The following TEX11 variants were observed in gnomAD, a reference collection of about 807,000 sequenced individuals.
The protein encoded by TEX11 is testis expressed 11.
In TEX11, 7 loss-of-function variants were observed where a neutral mutation model predicts 84.4. The observed-to-expected ratio is 0.08, with a 90% CI of 0.05 to 0.16. The LOEUF is 0.16. TEX11 is among the 10% of genes least tolerant of loss of function. TEX11 has a pLI of 1.00. For missense variants in TEX11, 551 were observed against 660.5 expected (o/e 0.83, Z 1.82); for synonymous variants, 264 against 222.8 (o/e 1.18, Z -1.64).
chrX:70,513,516 G>A, the TEX11 span, among the ~76,000 whole-genome samples: 26 of 105,854 alleles, frequency 2.5e-4, 1 homozygote, highest in African/African-American at 9.1e-4. Flanking sequence ...TTTGACATGG[G>A]ATTGTCCTAT....
chrX:70,547,390 A>C (rs2088144218), intron 28 of TEX11, among the ~76,000 whole-genome samples: 1 of 111,421 alleles, frequency 9.0e-6, no homozygotes, highest in Non-Finnish European at 1.9e-5. Context: ...TATCTACACA[A>C]AAATTAAGAA....
At chrX:70,731,479 C>A (rs1347064458) in intron 11 of TEX11, among the ~76,000 whole-genome samples, 1 of 111,326 alleles carries the variant, frequency 9.0e-6, no homozygotes, top group African/African-American at 3.3e-5. Context: ...GATATCACCA[C>A]TGATCCCACA....
At chrX:70,708,191 G>GA (rs767373831) in intron 13 of TEX11, among the ~76,000 whole-genome samples, 4 of 111,199 alleles carry the variant, frequency 3.6e-5, no homozygotes, top group South Asian at 3.8e-4. Flanking sequence ...ACAAACATGT[G>GA]AAAAAATGCT....
At chrX:70,599,189 G>T (rs981153555) in intron 24 of TEX11, among the ~76,000 whole-genome samples, 13 of 111,111 alleles carry the variant, frequency 1.2e-4, no homozygotes, top group African/African-American at 3.9e-4. Flanking sequence ...AGAAAATAAA[G>T]AAATAAATAA....
At chrX:70,729,747 C>G (rs1331687460) in intron 11 of TEX11, among the ~76,000 whole-genome samples, 1 of 111,642 alleles carries the variant, frequency 9.0e-6, no homozygotes, top group Admixed American at 9.5e-5. Context: ...AGGATACTAT[C>G]CAGGAGAACT....
At chrX:70,668,108 C>T (rs763140224) in intron 16 of TEX11, among the ~76,000 whole-genome samples, 3 of 110,843 alleles carry the variant, frequency 2.7e-5, no homozygotes, top group East Asian at 2.8e-4. Flanking sequence ...GCAAATCACA[C>T]GATAAGATCT....
At chrX:70,844,101 C>G (rs1338686282) in intron 7 of TEX11, among the ~76,000 whole-genome samples, 11 of 109,950 alleles carry the variant, frequency 1.0e-4, no homozygotes, top group African/African-American at 3.7e-4. Flanking sequence ...CCCAGCCATC[C>G]CATTACTGGG....
chrX:70,880,021 G>A lies in TEX11; in HGVS notation c.126C>T (p.Asn42=). 8.4e-7 allele frequency: 1 copy of A among 1,190,907 alleles called. No homozygotes were observed. The highest frequency in any genetic ancestry group is 1.7e-5 in the African/African-American group (1 of 57,379). The part of the protein sequence containing the change: ...DRLFSDIANI[N]RESMAEITDI... Reference sequence around the variant, plus strand: ...CTGTTATTTCAGCCATAGACTCCCTGTTGATATTTGCTATGTCGCTGAAGA... The same window carrying A: ...CTGTTATTTCAGCCATAGACTCCCTATTGATATTTGCTATGTCGCTGAAGA... The change falls in exon 3 of 30, where the codon AAC becomes AAT. Residue 42 remains asparagine, a synonymous_variant. Coordinates refer to ENST00000374333, the MANE Select transcript of TEX11 (RefSeq NM_031276.3).
rs765004401 is a variant in TEX11, at chrX:70,698,526, C to CA, written c.1005-15702dup. Among the ~76,000 whole-genome samples, 460 of 87,428 alleles carry CA rather than the reference C, an allele frequency of 5.3e-3. 4 individuals carry two copies. Among genetic ancestry groups the CA allele is most frequent in the South Asian group, 0.017 (33 of 1,939 alleles). The allele number at this position is 87,428 out of a possible 115,157, so 75.9% of individuals were successfully genotyped here. ...GAAGAAATAGATAGGTTCCCCCCAGCAAAAAAAAAAAACACCCTAGGAAAC... is the reference window on the plus strand; with the variant it reads ...GAAGAAATAGATAGGTTCCCCCCAGCAAAAAAAAAAAAACACCCTAGGAAAC... On this transcript the variant is annotated intron_variant, in intron 13 of 29. Coordinates refer to ENST00000374333, the MANE Select transcript of TEX11 (RefSeq NM_031276.3).
At chrX:70,541,527 A>G (rs148290858) in intron 28 of TEX11, among the ~76,000 whole-genome samples, 2 of 111,895 alleles carry the variant, frequency 1.8e-5, no homozygotes, top group African/African-American at 6.5e-5. Context: ...GGCCAAGGCG[A>G]GCAGATCACT....
intron 2 of TEX11, among the ~76,000 whole-genome samples, chrX:70,883,381 C>T (rs892520438): frequency 9.0e-6 from 1 of 111,043 alleles, no homozygotes; most frequent in African/African-American, 3.3e-5. Context: ...CCCAGGAGTT[C>T]GAGACTACCC....
At chrX:70,808,377 C>T (rs989770885) in intron 8 of TEX11, among the ~76,000 whole-genome samples, 1 of 107,358 alleles carries the variant, frequency 9.3e-6, no homozygotes, top group Admixed American at 1.0e-4. Context: ...GTGGTGGGCA[C>T]CTGTAATCCC....
chrX:70,693,965 A>G (rs778458046), intron 13 of TEX11, among the ~76,000 whole-genome samples: 1 of 112,304 alleles, frequency 8.9e-6, no homozygotes, highest in South Asian at 3.7e-4. Flanking sequence ...GTTTTCCTGT[A>G]TAACAAACCT....
chrX:70,558,299 G>C (rs2088316270), intron 25 of TEX11, among the ~76,000 whole-genome samples: 1 of 111,260 alleles, frequency 9.0e-6, no homozygotes, highest in Non-Finnish European at 1.9e-5. Flanking sequence ...TTCCAAAAGG[G>C]GCAAAGACCA....
At chrX:70,882,050 A>G (rs2091686315) in intron 2 of TEX11, among the ~76,000 whole-genome samples, 1 of 107,052 alleles carries the variant, frequency 9.3e-6, no homozygotes, top group African/African-American at 3.4e-5. Context: ...AAAAAGAAAA[A>G]GAAAAAAGAA....
chrX:70,606,924 G>C, intron 23 of TEX11, 35 bp downstream of exon 23: 1 of 965,017 alleles, frequency 1.0e-6, no homozygotes, highest in Non-Finnish European at 1.4e-6. Context: ...CCTTGTTGTG[G>C]TCCATACATG....
At chrX:70,642,303 G>C (rs2089671688) in intron 17 of TEX11, among the ~76,000 whole-genome samples, 1 of 111,411 alleles carries the variant, frequency 9.0e-6, no homozygotes, top group South Asian at 3.8e-4. Context: ...AAAGAATCCA[G>C]GACCAGATGG....
At chrX:70,753,080 G>T (rs1458275745) in intron 9 of TEX11, among the ~76,000 whole-genome samples, 1 of 109,389 alleles carries the variant, frequency 9.1e-6, no homozygotes, top group Admixed American at 9.8e-5. Context: ...CCCCGCCACC[G>T]TGGGCTAAAG....
chrX:70,655,493 C>T (rs1237042728), intron 16 of TEX11, among the ~76,000 whole-genome samples: 2 of 111,871 alleles, frequency 1.8e-5, no homozygotes, highest in African/African-American at 3.2e-5. Context: ...GCATTAACTG[C>T]ATTTTCACCT....
Sources: allele counts gnomAD v4.1 joint callset (sites outside exome capture counted in the v4.1 genomes callset), GRCh38; gene constraint gnomAD v4.1.1; transcripts MANE v1.5; gene names NCBI Gene and HGNC (gene_info 2026-07-23, HGNC 2026-07-21).